Variants in RBFOX1 observed in about 807,000 individuals in gnomAD.
The protein encoded by RBFOX1 is RNA binding fox-1 homolog 1, also known as RNA binding protein fox-1 homolog 1.
RBFOX1 carries 8 observed loss-of-function variants against 57.7 expected under a neutral mutation model. That is an observed-to-expected ratio of 0.14 (90% confidence interval 0.08 to 0.25). The LOEUF (loss-of-function observed/expected upper bound fraction) is 0.25. Among genes scored for constraint, RBFOX1 ranks in the 10% least tolerant of loss-of-function variants. The pLI is 1.00. For synonymous variants in RBFOX1, 326 were observed against 222.4 expected (o/e 1.47, Z -4.15); for missense variants, 611 against 548.5 (o/e 1.11, Z -1.14).
chr16:6,496,604 C>G (rs1343447344), intron 2 of RBFOX1, among the ~76,000 whole-genome samples: 1 of 152,112 alleles, frequency 6.6e-6, no homozygotes, highest in Non-Finnish European at 1.5e-5. Context: ...CTCAGAAAAT[C>G]AAAGCAAGTT....
chr16:5,847,728 G>C (rs889432930), intron 3 of RBFOX1, among the ~76,000 whole-genome samples: 3 of 152,046 alleles, frequency 2.0e-5, no homozygotes, highest in Admixed American at 2.0e-4. Flanking sequence ...GGTCTGGACT[G>C]GTGTTCCACA....
At chr16:6,914,891 C>T (rs761739993) in intron 3 of RBFOX1, among the ~76,000 whole-genome samples, 1 of 152,184 alleles carries the variant, frequency 6.6e-6, no homozygotes, top group Non-Finnish European at 1.5e-5. Context: ...CTCTCAAAAA[C>T]AAAACACAGA....
intron 3 of RBFOX1, among the ~76,000 whole-genome samples, chr16:7,011,799 C>T (rs1431963992): frequency 6.6e-6 from 1 of 152,200 alleles, no homozygotes; most frequent in East Asian, 1.9e-4. Flanking sequence ...CAGGCGTGAG[C>T]CGCCGCACCG....
chr16:6,848,773 C>A (rs536976692), intron 3 of RBFOX1, among the ~76,000 whole-genome samples: 2 of 152,100 alleles, frequency 1.3e-5, no homozygotes, highest in African/African-American at 4.8e-5. Flanking sequence ...AGAAGAAACT[C>A]AGCAGGCAGC....
At chr16:7,045,606 T>A (rs1039418251) in intron 3 of RBFOX1, among the ~76,000 whole-genome samples, 1 of 152,156 alleles carries the variant, frequency 6.6e-6, no homozygotes, top group African/African-American at 2.4e-5. Context: ...GGCAAATCCT[T>A]GTGATATTTG....
intron 4 of RBFOX1, among the ~76,000 whole-genome samples, chr16:7,252,811 C>T (rs573540760): frequency 1.3e-5 from 2 of 151,608 alleles, no homozygotes; most frequent in Middle Eastern, 3.4e-3. Flanking sequence ...ATAGTAACGT[C>T]AGATCTGGGA....
At chr16:6,072,025 T>C (rs1025895736) in intron 1 of RBFOX1, among the ~76,000 whole-genome samples, 3 of 152,138 alleles carry the variant, frequency 2.0e-5, no homozygotes, top group Non-Finnish European at 4.4e-5. Context: ...CAAGACTGGG[T>C]AACTTACAAA....
chr16:6,637,390 T>TATTATATAATATATAAATA (rs1567986799), intron 2 of RBFOX1, among the ~76,000 whole-genome samples: 1 of 11,634 alleles, frequency 8.6e-5, no homozygotes, highest in African/African-American at 1.6e-4. Context: ...CAAATATATA[T>TATTATATAATATATAAATA]TATATATTAA....
intron 2 of RBFOX1, among the ~76,000 whole-genome samples, chr16:6,553,143 A>G (rs1377423964): frequency 6.6e-6 from 1 of 152,208 alleles, no homozygotes; most frequent in Non-Finnish European, 1.5e-5. Context: ...CATGGAAGTC[A>G]GTTCTGTTAA....
chr16:6,941,035 T>C (rs1005328974), intron 3 of RBFOX1, among the ~76,000 whole-genome samples: 2 of 152,044 alleles, frequency 1.3e-5, no homozygotes, highest in Non-Finnish European at 2.9e-5. Flanking sequence ...TATATGTGTA[T>C]GGACGCCTAT....
intron 4 of RBFOX1, among the ~76,000 whole-genome samples, chr16:7,064,042 G>C (rs12932433): frequency 6.6e-6 from 1 of 151,922 alleles, no homozygotes; most frequent in Non-Finnish European, 1.5e-5. Flanking sequence ...AGTCATACAT[G>C]GAAGTTCTAG....
chr16:6,819,463 G>A (rs2090835834), intron 3 of RBFOX1, among the ~76,000 whole-genome samples: 2 of 152,040 alleles, frequency 1.3e-5, no homozygotes, highest in South Asian at 4.1e-4. Flanking sequence ...CAGTACTTAG[G>A]GAGGCCCAGG....
At chr16:6,555,397 T>C (rs1009620610) in intron 2 of RBFOX1, among the ~76,000 whole-genome samples, 6 of 152,164 alleles carry the variant, frequency 3.9e-5, no homozygotes, top group Non-Finnish European at 8.8e-5. Flanking sequence ...TAGTTCTTCA[T>C]GTATTAAAGG....
intron 4 of RBFOX1, among the ~76,000 whole-genome samples, chr16:7,437,586 G>A (rs886374181): frequency 6.6e-6 from 1 of 152,104 alleles, no homozygotes; most frequent in Non-Finnish European, 1.5e-5. Context: ...CAATGAAACT[G>A]CTCCCCGGCA....
chr16:6,862,216 C>A (rs533286698), intron 3 of RBFOX1, among the ~76,000 whole-genome samples: 5 of 152,288 alleles, frequency 3.3e-5, no homozygotes, highest in African/African-American at 4.8e-5. Context: ...CTGACCCTTA[C>A]TCTAGAGAGT....
chr16:7,446,228 C>T (rs1041574916), intron 4 of RBFOX1, among the ~76,000 whole-genome samples: 2 of 152,096 alleles, frequency 1.3e-5, no homozygotes, highest in African/African-American at 4.8e-5. Context: ...CTTGAGTCTC[C>T]CCAGACCCAT....
intron 1 of RBFOX1, among the ~76,000 whole-genome samples, chr16:6,032,356 C>G (rs1264726047): frequency 7.1e-6 from 1 of 141,242 alleles, no homozygotes; most frequent in African/African-American, 2.7e-5. Flanking sequence ...TTTAATTTGC[C>G]TCTAACCCAA....
intron 4 of RBFOX1, among the ~76,000 whole-genome samples, chr16:7,497,596 C>A (rs570023522): frequency 4.6e-5 from 7 of 152,254 alleles, no homozygotes; most frequent in African/African-American, 1.7e-4. Flanking sequence ...AAAACAAATG[C>A]TTATTGTGAA....
chr16:7,072,285 C>G (rs555842447), intron 4 of RBFOX1, among the ~76,000 whole-genome samples: 1 of 152,184 alleles, frequency 6.6e-6, no homozygotes, highest in Non-Finnish European at 1.5e-5. Flanking sequence ...ATTAATGCTA[C>G]TCTTATTCTT....
Sources: allele counts gnomAD v4.1 joint callset (sites outside exome capture counted in the v4.1 genomes callset), GRCh38; gene constraint gnomAD v4.1.1; transcripts MANE v1.5; gene names NCBI Gene and HGNC (gene_info 2026-07-23, HGNC 2026-07-21).